The following SLCO5A1 variants were observed in gnomAD, a reference collection of about 807,000 sequenced individuals.
The protein encoded by SLCO5A1 is organic anion transporter polypeptide-related protein 4.
A neutral mutation model predicts 65.1 loss-of-function variants in SLCO5A1; 39 were observed. The ratio of observed to expected loss-of-function variants is 0.60; its 90% confidence interval spans 0.46 to 0.78. The LOEUF is 0.78. Among genes scored for constraint, SLCO5A1 ranks in the 30% least tolerant of loss-of-function variants. The pLI, the probability that SLCO5A1 is intolerant of heterozygous loss-of-function variation, is 0.00. For synonymous variants in SLCO5A1, 438 were observed against 415.7 expected, an observed-to-expected ratio of 1.05 and a Z score of -0.65; for missense variants, 1,029 against 1,069.4, an observed-to-expected ratio of 0.96 and a Z score of 0.53.
intron 2 of SLCO5A1, among the ~76,000 whole-genome samples, chr8:69,805,325 C>T (rs1458500100): frequency 6.6e-6 from 1 of 152,144 alleles, no homozygotes; most frequent in Non-Finnish European, 1.5e-5. Context: ...GCTACTGAAT[C>T]CCCTGAAATC....
At chr8:69,750,010 G>A (rs929495607) in intron 4 of SLCO5A1, among the ~76,000 whole-genome samples, 1 of 152,188 alleles carries the variant, frequency 6.6e-6, no homozygotes, top group Non-Finnish European at 1.5e-5. Context: ...TAAAAGTCCT[G>A]GGGTGAGACT....
chr8:69,813,778 A>G (rs912592957), intron 2 of SLCO5A1, among the ~76,000 whole-genome samples: 2 of 152,248 alleles, frequency 1.3e-5, no homozygotes, highest in Non-Finnish European at 2.9e-5. Flanking sequence ...TTAAGAGGCG[A>G]CAGGAATCTA....
chr8:69,818,435 A>T (rs143660843), intron 2 of SLCO5A1, among the ~76,000 whole-genome samples: 1 of 152,242 alleles, frequency 6.6e-6, no homozygotes, highest in African/African-American at 2.4e-5. Flanking sequence ...CAGAATCTGC[A>T]TCTTGACAAG....
chr8:69,783,183 A>T (rs977249886), intron 2 of SLCO5A1, among the ~76,000 whole-genome samples: 1 of 152,160 alleles, frequency 6.6e-6, no homozygotes, highest in Admixed American at 6.5e-5. Context: ...AGACCTTGCC[A>T]GACTTTAAAA....
chr8:69,703,110 CAAAAAA>C (rs34113730), intron 6 of SLCO5A1, among the ~76,000 whole-genome samples: 8 of 82,876 alleles, frequency 9.7e-5, no homozygotes, highest in African/African-American at 3.1e-4. Context: ...GACTCTGTTT[CAAAAAA>C]AAAAAAAAGA....
At chr8:69,773,268 G>T (rs1386931820) in intron 2 of SLCO5A1, among the ~76,000 whole-genome samples, 2 of 152,156 alleles carry the variant, frequency 1.3e-5, no homozygotes, top group Non-Finnish European at 2.9e-5. Flanking sequence ...GTACAGAACT[G>T]GCTCCCTCTA....
chr8:69,731,022 A>G (rs1473431997), intron 5 of SLCO5A1, among the ~76,000 whole-genome samples: 1 of 150,198 alleles, frequency 6.7e-6, no homozygotes, highest in Non-Finnish European at 1.5e-5. Flanking sequence ...TTTTGAGATG[A>G]AGTCTGGCTC....
In SLCO5A1 at chr8:69,669,966, T is replaced by A. The variant is rs1199183268; in HGVS notation, c.*2903A>T. The A allele has an allele frequency of 6.6e-6, 1 of 152,172 alleles. No individual in the cohort carries two copies. Among genetic ancestry groups the A allele is most frequent in the Non-Finnish European group, 1.5e-5 (1 of 68,038 alleles). 9.4% of individuals were successfully genotyped at this position (152,172 alleles called of 1,614,324 possible). A position where few individuals can be genotyped will look rare whatever the true frequency, so the allele number is the denominator to read the frequency against. On this transcript the variant is annotated 3_prime_UTR_variant, in exon 10 of 10. Transcript: ENST00000260126. ...CCTCTCTGTTCCTCCTTTCTCTCCA[T>A]CCCCAACACCTTGACTCTGAATTAC...
chr8:69,786,433 C>T (rs1006926957), intron 2 of SLCO5A1, among the ~76,000 whole-genome samples: 1 of 152,124 alleles, frequency 6.6e-6, no homozygotes, highest in African/African-American at 2.4e-5. Context: ...ATACTAGGAG[C>T]ATTTTAAAAA....
chr8:69,728,458 A>G (rs73283466), intron 5 of SLCO5A1, among the ~76,000 whole-genome samples: 4,628 of 152,274 alleles, frequency 0.03, 245 homozygotes, highest in African/African-American at 0.1. Flanking sequence ...AAAATTAAAA[A>G]CCAAAAACAA....
At chr8:69,678,059 T>TG (rs1181555426) in intron 8 of SLCO5A1, among the ~76,000 whole-genome samples, 2 of 152,198 alleles carry the variant, frequency 1.3e-5, no homozygotes, top group African/African-American at 4.8e-5. Flanking sequence ...CCGATGTGAA[T>TG]GTATCAGCGT....
intron 2 of SLCO5A1, among the ~76,000 whole-genome samples, chr8:69,815,751 G>A (rs993896188): frequency 6.6e-6 from 1 of 150,560 alleles, no homozygotes; most frequent in Middle Eastern, 3.2e-3. Context: ...TATGGTCCAG[G>A]AAATTCCCAT....
intron 2 of SLCO5A1, among the ~76,000 whole-genome samples, chr8:69,784,247 G>A (rs1004979200): frequency 2.1e-4 from 32 of 152,174 alleles, no homozygotes; most frequent in Non-Finnish European, 2.6e-4. Context: ...ATTTTGGACA[G>A]TTGTATCACC....
At chr8:69,809,034 G>A (rs946687912) in intron 2 of SLCO5A1, among the ~76,000 whole-genome samples, 1 of 152,112 alleles carries the variant, frequency 6.6e-6, no homozygotes, top group African/African-American at 2.4e-5. Context: ...AACCTAGGAG[G>A]AAGAGGTTGC....
Position 69,716,527 on chromosome 8 carries a change from G to T in SLCO5A1, c.1424-11298C>A, listed in dbSNP as rs1481094821. ...TTGATTTTAGCCATCTGAGTGTGAGGTGGTACCTCATTGTGGTTTTGATTT... is the reference window on the plus strand; with the variant it reads ...TTGATTTTAGCCATCTGAGTGTGAGTTGGTACCTCATTGTGGTTTTGATTT... On this transcript the variant is annotated intron_variant, in intron 5 of 9. Transcript: ENST00000260126. Among the ~76,000 whole-genome samples the T allele has an allele frequency of 2.0e-5, 3 of 152,170 alleles. No homozygotes were observed. The East Asian group carries it at 5.8e-4, about 29-fold the overall frequency.
intron 7 of SLCO5A1, among the ~76,000 whole-genome samples, chr8:69,680,678 G>A (rs112096529): frequency 9.2e-5 from 14 of 152,272 alleles, no homozygotes; most frequent in Middle Eastern, 3.4e-3. Flanking sequence ...TTGAGTGGTC[G>A]TTTTAAGTTC....
At position 69,784,992 on chromosome 8, in the gene SLCO5A1, GC is replaced by G. The variant is rs201346140; in HGVS notation, c.908-23118del. On this transcript the variant is annotated intron_variant, in intron 2 of 9. Transcript: ENST00000260126. Reference sequence around the variant, plus strand: ...AAGAAAGAGAAAGAAAGAAAGAAAAGCGAAAGAAAGAAAGAAAAGAAAAGAA... The same window carrying G: ...AAGAAAGAGAAAGAAAGAAAGAAAAGGAAAGAAAGAAAGAAAAGAAAAGAA... Among the ~76,000 whole-genome samples, 1,150 of 140,460 alleles carry G rather than the reference GC, an allele frequency of 8.2e-3. 13 individuals carry two copies. The highest frequency in any genetic ancestry group is 0.03 in the African/African-American group (1,098 of 37,112). 92.1% of individuals were successfully genotyped at this position (140,460 alleles called of 152,430 possible). A position where few individuals can be genotyped will look rare whatever the true frequency, so the allele number is the denominator to read the frequency against.
At chr8:69,679,287 C>T (rs1813668555) in intron 8 of SLCO5A1, 91 bp downstream of exon 8, 2 of 1,550,298 alleles carry the variant, frequency 1.3e-6, no homozygotes, top group East Asian at 4.5e-5. Context: ...GCTTTGCTCT[C>T]TGATTTACCA....
chr8:69,754,004 C>CAAAAAAAA (rs71556780), intron 4 of SLCO5A1, among the ~76,000 whole-genome samples: 14 of 73,432 alleles, frequency 1.9e-4, no homozygotes, highest in Non-Finnish European at 2.5e-4. Context: ...TGACCTATCT[C>CAAAAAAAA]AAAAAAAAAA....
Sources: gnomAD v4.1 joint callset for allele counts (sites outside exome capture counted in the v4.1 genomes callset) on GRCh38, gnomAD v4.1.1 for gene constraint, MANE v1.5 for transcripts, NCBI Gene and HGNC (gene_info 2026-07-23, HGNC 2026-07-21) for gene names.